SH2D4A: variants seen among roughly 807,000 people sequenced by gnomAD.
SH2D4A encodes SH2 domain-containing protein 4A.
SH2D4A carries 70 observed loss-of-function variants against 64.7 expected under a neutral mutation model. That is an observed-to-expected ratio of 1.08 (90% confidence interval 0.89 to 1.32). The LOEUF is 1.32. Among genes scored for constraint, SH2D4A ranks in the 40% most tolerant of loss-of-function variants. The pLI is 0.00. For missense variants in SH2D4A, 706 were observed against 540.1 expected, an observed-to-expected ratio of 1.31 and a Z score of -3.04; for synonymous variants, 268 against 200.7, an observed-to-expected ratio of 1.34 and a Z score of -2.83.
At chr8:19,390,239 G>C (rs1483561614) in intron 8 of SH2D4A, among the ~76,000 whole-genome samples, 3 of 152,094 alleles carry the variant, frequency 2.0e-5, no homozygotes, top group Admixed American at 6.5e-5. Context: ...AAATTAGCTG[G>C]GCATGGTAGT....
chr8:19,355,398 G>C (rs2052776692), intron 4 of SH2D4A, among the ~76,000 whole-genome samples: 4 of 152,068 alleles, frequency 2.6e-5, no homozygotes, highest in Admixed American at 2.6e-4. Flanking sequence ...TAGAGGAACT[G>C]GTTACTGTTC....
intron 8 of SH2D4A, among the ~76,000 whole-genome samples, chr8:19,391,325 C>T (rs1466285672): frequency 6.6e-6 from 1 of 152,182 alleles, no homozygotes; most frequent in Non-Finnish European, 1.5e-5. Context: ...TTGAGTACCT[C>T]ATGGGGATAG....
At chr8:19,373,093 A>C (rs2053131366) in intron 7 of SH2D4A, among the ~76,000 whole-genome samples, 1 of 152,106 alleles carries the variant, frequency 6.6e-6, no homozygotes, top group Non-Finnish European at 1.5e-5. Flanking sequence ...TGGAGCTTAT[A>C]ATTCCTATAC....
At chr8:19,346,122 T>C (rs1018657888) in intron 4 of SH2D4A, among the ~76,000 whole-genome samples, 1 of 152,200 alleles carries the variant, frequency 6.6e-6, no homozygotes, top group Non-Finnish European at 1.5e-5. Flanking sequence ...CTGGAAACCA[T>C]AGCACCCAAC....
rs547940949 is a variant in SH2D4A, at chr8:19,351,519, C to T, written c.514-5684C>T. On this transcript the variant is annotated intron_variant, in intron 4 of 9. Transcript: ENST00000265807. ...TCGGGAGGCTGAGGCAGGAGAATGG[C>T]GTGAACCCAGGAGGCGGAGCTTGCA... Among the ~76,000 whole-genome samples the T allele has an allele frequency of 2.3e-4, 35 of 152,080 alleles. No individual in the cohort carries two copies. In the South Asian group the frequency reaches 4.4e-3, roughly 19 times the overall value.
rs1393269842 is a variant in SH2D4A at position 19,394,479 on chromosome 8, T to C, written c.1273-71T>C. The C allele has an allele frequency of 3.9e-6, 4 of 1,020,132 alleles. No homozygotes were observed. The East Asian group carries it at 8.3e-5, about 21-fold the overall frequency. 63.2% of individuals were successfully genotyped at this position (1,020,132 alleles called of 1,614,324 possible). ...AATCATGGGTAGGCAGCTAGTGATG[T>C]CCTCTGAGGAAGTAGGAAGAGCATG... On this transcript the variant is annotated intron_variant, in intron 9 of 9. Coordinates refer to ENST00000265807, the MANE Select transcript of SH2D4A (RefSeq NM_022071.4).
intron 4 of SH2D4A, among the ~76,000 whole-genome samples, chr8:19,343,260 A>ACTT (rs1214849940): frequency 2.6e-5 from 4 of 152,070 alleles, no homozygotes; most frequent in African/African-American, 4.8e-5. Context: ...CACTGTCTCT[A>ACTT]CAGAAATTAA....
At chr8:19,378,864 G>A (rs1203134442) in intron 8 of SH2D4A, among the ~76,000 whole-genome samples, 1 of 148,100 alleles carries the variant, frequency 6.8e-6, no homozygotes, top group Non-Finnish European at 1.5e-5. Context: ...ACTTAAACAT[G>A]GCAAATTCCA....
chr8:19,334,796 A>G lies in SH2D4A; in HGVS notation c.452A>G (p.Glu151Gly), dbSNP rs1325725154. 1.9e-6 allele frequency: 3 copies of G among 1,613,998 alleles called. No individual in the cohort carries two copies. The highest frequency in any genetic ancestry group is 2.5e-6 in the Non-Finnish European group (3 of 1,180,002). Residue 151 changes from glutamate to glycine, a missense_variant, in exon 4 of 10, where the codon GAA becomes GGA. Transcript: ENST00000265807. ...AAAGACATCTGGAAGAAAGTGGCAGAAAAGGAGGAACTGGAGCAAGGATCG... is the reference window on the plus strand; with the variant it reads ...AAAGACATCTGGAAGAAAGTGGCAGGAAAGGAGGAACTGGAGCAAGGATCG... ...QTKDIWKKVAEKEELEQGSRP... is the reference protein window; with the variant it reads ...QTKDIWKKVAGKEELEQGSRP...
rs1281023892 is a variant in SH2D4A, at chr8:19,319,719, C to A, written c.172C>A (p.Pro58Thr). The A allele has an allele frequency of 1.3e-6, 2 of 1,581,362 alleles. No individual in the cohort carries two copies. The highest frequency in any genetic ancestry group is 1.9e-5 in the Admixed American group (1 of 52,702). ...GGAGTCCCTGCCAGTGAAACCCAGACCAAAGAAAGGTAAACTTATCCACGT... is the reference window on the plus strand; with the variant it reads ...GGAGTCCCTGCCAGTGAAACCCAGAACAAAGAAAGGTAAACTTATCCACGT... ...RKESLPVKPR[P>T]KKENGKSVHW... The change falls in exon 2 of 10, where the codon CCA (proline) becomes ACA (threonine). Residue 58 changes from proline to threonine, a missense_variant. Transcript: ENST00000265807.
At chr8:19,336,584 C>T (rs377327992) in intron 4 of SH2D4A, among the ~76,000 whole-genome samples, 13 of 152,262 alleles carry the variant, frequency 8.5e-5, no homozygotes, top group African/African-American at 2.9e-4. Context: ...AGTGTGTTTG[C>T]TCACACTTGT....
intron 8 of SH2D4A, among the ~76,000 whole-genome samples, chr8:19,378,644 C>T (rs981590800): frequency 1.1e-4 from 16 of 152,116 alleles, no homozygotes; most frequent in Non-Finnish European, 1.5e-4. Flanking sequence ...TCATGTTGGC[C>T]AGGCTGGTCT....
intron 6 of SH2D4A, among the ~76,000 whole-genome samples, chr8:19,363,407 C>T (rs1183274452): frequency 6.6e-6 from 1 of 152,096 alleles, no homozygotes; most frequent in Admixed American, 6.6e-5. Flanking sequence ...CACACAAATA[C>T]TCTTGTGTTA....
chr8:19,359,607 C>A (rs2052847113), intron 5 of SH2D4A, among the ~76,000 whole-genome samples: 2 of 152,166 alleles, frequency 1.3e-5, no homozygotes, highest in Admixed American at 1.3e-4. Flanking sequence ...CAAATTTTAA[C>A]AGTCCTTTCA....
chr8:19,363,989 T>C, intron 6 of SH2D4A, 83 bp from the exon 7 acceptor site: 3 of 1,314,904 alleles, frequency 2.3e-6, no homozygotes, highest in Non-Finnish European at 3.2e-6. Context: ...CCTGCGCTGC[T>C]GCCCGTTGTG....
chr8:19,316,693 A>C (rs1053186891), intron 1 of SH2D4A, among the ~76,000 whole-genome samples: 6 of 152,168 alleles, frequency 3.9e-5, no homozygotes, highest in Non-Finnish European at 7.3e-5. Context: ...AATTTCATAC[A>C]TGGCACCACA....
rs1043139329 is a variant in SH2D4A at position 19,386,583 on chromosome 8, C to G, written c.1049-6735C>G. ...TGCCCAGGACTGGACCCTTGTAGTT[C>G]CCTGTCCTGCTCTTGGAGTCCTGAG... On this transcript the variant is annotated intron_variant, in intron 8 of 9. Transcript: ENST00000265807. Among the ~76,000 whole-genome samples the G allele has an allele frequency of 5.9e-5, 9 of 152,236 alleles. No homozygotes were observed. In the South Asian group the frequency reaches 8.3e-4, roughly 14 times the overall value.
intron 1 of SH2D4A, among the ~76,000 whole-genome samples, chr8:19,316,257 A>T (rs1415393226): frequency 6.6e-6 from 1 of 152,212 alleles, no homozygotes; most frequent in Non-Finnish European, 1.5e-5. Context: ...TTCCTTCAAG[A>T]TGAACTAGTT....
intron 8 of SH2D4A, among the ~76,000 whole-genome samples, chr8:19,380,948 T>A (rs911205728): frequency 3.3e-5 from 5 of 152,202 alleles, no homozygotes; most frequent in Admixed American, 3.3e-4. Flanking sequence ...AATCTGTATA[T>A]CATTTTGCAT....
Sources: gnomAD v4.1 joint callset for allele counts (sites outside exome capture counted in the v4.1 genomes callset) on GRCh38, gnomAD v4.1.1 for gene constraint, MANE v1.5 for transcripts, NCBI Gene and HGNC (gene_info 2026-07-23, HGNC 2026-07-21) for gene names.